The following RGL1 variants were observed in gnomAD, a reference collection of about 807,000 sequenced individuals.
RGL1 encodes ral guanine nucleotide dissociation stimulator-like 1.
RGL1 carries 24 observed loss-of-function variants against 95.2 expected under a neutral mutation model. That is an observed-to-expected ratio of 0.25 (90% CI 0.18 to 0.35). The LOEUF is 0.35. Ranked by LOEUF, RGL1 falls within the 10% of genes least tolerant of loss-of-function variation. The pLI, the probability that RGL1 is intolerant of heterozygous loss-of-function variation, is 1.00. For synonymous variants in RGL1, 329 were observed against 344.9 expected (o/e 0.95, Z 0.51); for missense variants, 715 against 936.3 (o/e 0.76, Z 3.08).
chr1:183,878,194 A>ATCTATCTATCTG (rs1283554104), intron 4 of RGL1, among the ~76,000 whole-genome samples: 12 of 148,298 alleles, frequency 8.1e-5, no homozygotes, highest in African/African-American at 3.0e-4. Flanking sequence ...CTATCTATCT[A>ATCTATCTATCTG]TCTGTCTATC....
chr1:183,749,397 C>G (rs181414657), intron 2 of RGL1, among the ~76,000 whole-genome samples: 37 of 152,146 alleles, frequency 2.4e-4, no homozygotes, highest in African/African-American at 8.7e-4. Context: ...GTTTTTTGTT[C>G]TTTGTTGGTT....
At chr1:183,641,410 T>G (rs1023961801) in intron 1 of RGL1, among the ~76,000 whole-genome samples, 10 of 152,092 alleles carry the variant, frequency 6.6e-5, no homozygotes, top group African/African-American at 2.4e-4. Flanking sequence ...GCTAGGATTA[T>G]AGGTGTGAGG....
rs189596561 is a variant in RGL1, at chr1:183,830,264, C to T, written c.139-17302C>T. On this transcript the variant is annotated intron_variant, in intron 2 of 17. Transcript: ENST00000360851. ...AAAAACTTCTTATAAGTTCAGACAC[C>T]TCAAACAATATCCTTTGTGTTCAAC... 4.1e-3 allele frequency among the ~76,000 whole-genome samples: 625 copies of T among 152,194 alleles called. 1 individual carries two copies. Among genetic ancestry groups the T allele is most frequent in the Non-Finnish European group, 5.3e-3 (363 of 68,008 alleles).
At chr1:183,805,966 CTTTTCTTTTTTTTTTTTTTTTTTT>C (rs1661279032) in intron 1 of RGL1, among the ~76,000 whole-genome samples, 16 of 28,390 alleles carry the variant, frequency 5.6e-4, no homozygotes, top group African/African-American at 1.4e-3. Context: ...TTTTTCTTTT[CTTTTCTTTTTTTTTTTTTTTTTTT>C]TTTTTTTTTT....
At chr1:183,718,698 C>T (rs956811922) in intron 1 of RGL1, among the ~76,000 whole-genome samples, 4 of 151,782 alleles carry the variant, frequency 2.6e-5, no homozygotes, top group Non-Finnish European at 4.4e-5. Flanking sequence ...GGGTGGATCA[C>T]AAGGTCAGGA....
intron 1 of RGL1, among the ~76,000 whole-genome samples, chr1:183,675,077 A>G (rs150478459): frequency 6.6e-6 from 1 of 152,328 alleles, no homozygotes; most frequent in African/African-American, 2.4e-5. Context: ...ATCATCCAGA[A>G]TGATCCAAAA....
At chr1:183,838,376 G>A (rs1215679884) in intron 2 of RGL1, among the ~76,000 whole-genome samples, 1 of 152,150 alleles carries the variant, frequency 6.6e-6, no homozygotes, top group Non-Finnish European at 1.5e-5. Flanking sequence ...ACTGAGACAG[G>A]ATGGCAAAGG....
intron 2 of RGL1, among the ~76,000 whole-genome samples, chr1:183,830,053 T>C (rs1663156368): frequency 1.3e-5 from 2 of 152,174 alleles, no homozygotes; most frequent in South Asian, 4.1e-4. Context: ...TATAATAGTA[T>C]GCAGAATATA....
chr1:183,796,364 A>G (rs1168361754), intron 2 of RGL1, among the ~76,000 whole-genome samples: 1 of 152,022 alleles, frequency 6.6e-6, no homozygotes, highest in Non-Finnish European at 1.5e-5. Flanking sequence ...GGTTTTCACC[A>G]TGTTGGCCAG....
At chr1:183,818,232 A>T (rs1662217018) in intron 2 of RGL1, among the ~76,000 whole-genome samples, 1 of 152,296 alleles carries the variant, frequency 6.6e-6, no homozygotes, top group South Asian at 2.1e-4. Flanking sequence ...AAAGAGTTTT[A>T]AAAGGTTTCC....
intron 2 of RGL1, among the ~76,000 whole-genome samples, chr1:183,826,798 A>G (rs1194647347): frequency 6.6e-6 from 1 of 152,240 alleles, no homozygotes; most frequent in Non-Finnish European, 1.5e-5. Flanking sequence ...AATCAAATAA[A>G]TGAAACTTTT....
At chr1:183,709,465 A>T (rs529445195) in intron 1 of RGL1, 1 of 152,320 alleles carries the variant, frequency 6.6e-6, no homozygotes, top group African/African-American at 2.4e-5. Flanking sequence ...GACAGAAGGT[A>T]CTGGTTCTAG....
intron 1 of RGL1, among the ~76,000 whole-genome samples, chr1:183,668,959 A>G (rs1490063101): frequency 3.6e-5 from 4 of 112,094 alleles, no homozygotes; most frequent in Admixed American, 2.1e-4. Flanking sequence ...TTTTTTTGAG[A>G]TGGAGTCTCA....
At chr1:183,858,050 A>G (rs1305712109) in intron 3 of RGL1, among the ~76,000 whole-genome samples, 1 of 152,202 alleles carries the variant, frequency 6.6e-6, no homozygotes, top group East Asian at 1.9e-4. Context: ...AAAGGGAGGC[A>G]AGGACATGCA....
chr1:183,917,644 T>C (rs907521022), intron 16 of RGL1, among the ~76,000 whole-genome samples: 2 of 152,220 alleles, frequency 1.3e-5, no homozygotes, highest in African/African-American at 4.8e-5. Flanking sequence ...GTTCTAGTCA[T>C]TAGATCAGGC....
At chr1:183,805,695 T>G (rs1453057712) in intron 1 of RGL1, among the ~76,000 whole-genome samples, 1 of 152,192 alleles carries the variant, frequency 6.6e-6, no homozygotes, top group Non-Finnish European at 1.5e-5. Context: ...CTGCACAGAT[T>G]TTAGTAGAAG....
At chr1:183,904,772 A>G in intron 12 of RGL1, 78 bp from the exon 13 acceptor site, 2 of 1,422,030 alleles carry the variant, frequency 1.4e-6, no homozygotes, top group South Asian at 1.4e-5. Flanking sequence ...GTATATTTTC[A>G]TGTTGAAAGA....
intron 1 of RGL1, among the ~76,000 whole-genome samples, chr1:183,651,986 G>A (rs1282382117): frequency 6.6e-6 from 1 of 152,132 alleles, no homozygotes; most frequent in East Asian, 1.9e-4. Flanking sequence ...GTCGACTTAT[G>A]GGTGGTACAC....
intron 16 of RGL1, among the ~76,000 whole-genome samples, chr1:183,919,446 A>G: frequency 6.6e-6 from 1 of 152,222 alleles, no homozygotes; most frequent in East Asian, 1.9e-4. Context: ...AACACAAAGA[A>G]AAGACAAACA....
Sources: gnomAD v4.1 joint callset for allele counts (sites outside exome capture counted in the v4.1 genomes callset) on GRCh38, gnomAD v4.1.1 for gene constraint, MANE v1.5 for transcripts, NCBI Gene and HGNC (gene_info 2026-07-23, HGNC 2026-07-21) for gene names.